Variants in SUMF1 observed in about 807,000 individuals in gnomAD.
SUMF1 encodes the protein formylglycine-generating enzyme.
SUMF1 carries 48 observed loss-of-function variants against 47.6 expected under a neutral mutation model. The ratio of observed to expected loss-of-function variants is 1.01; its 90% confidence interval spans 0.80 to 1.28. The LOEUF is 1.28. Ranked by LOEUF, SUMF1 falls within the 50% of genes most tolerant of loss-of-function variation. The pLI, the probability that SUMF1 is intolerant of heterozygous loss-of-function variation, is 0.00. For synonymous variants in SUMF1, 230 were observed against 192.1 expected (o/e 1.20, Z -1.63); for missense variants, 571 against 485.4 (o/e 1.18, Z -1.66).
At chr3:4,213,276 G>A (rs953732361) in intron 8 of SUMF1, among the ~76,000 whole-genome samples, 1 of 152,138 alleles carries the variant, frequency 6.6e-6, no homozygotes, top group African/African-American at 2.4e-5. Context: ...TTAAAGAAAA[G>A]AATTTTCAAC....
At chr3:4,388,189 G>C (rs1228217371) in intron 7 of SUMF1, among the ~76,000 whole-genome samples, 1 of 151,918 alleles carries the variant, frequency 6.6e-6, no homozygotes, top group South Asian at 2.1e-4. Flanking sequence ...CTAAAATTGT[G>C]GATTAGTCTA....
chr3:4,371,976 A>G (rs1266920737), intron 8 of SUMF1, among the ~76,000 whole-genome samples: 1 of 152,206 alleles, frequency 6.6e-6, no homozygotes, highest in African/African-American at 2.4e-5. Context: ...TACTTTGGAT[A>G]GATTTTCAAA....
intron 8 of SUMF1, among the ~76,000 whole-genome samples, chr3:4,257,793 C>T (rs1372996245): frequency 2.0e-5 from 3 of 152,116 alleles, no homozygotes; most frequent in East Asian, 1.9e-4. Context: ...AAAAAGAGCC[C>T]GTGTGGCCAA....
At chr3:4,250,176 C>T (rs1279144071) in intron 8 of SUMF1, among the ~76,000 whole-genome samples, 3 of 144,526 alleles carry the variant, frequency 2.1e-5, no homozygotes, top group South Asian at 2.2e-4. Flanking sequence ...AGACAAGAAA[C>T]GGAGGGGGAA....
intron 8 of SUMF1, among the ~76,000 whole-genome samples, chr3:4,270,617 A>G (rs1240898105): frequency 6.6e-6 from 1 of 152,206 alleles, no homozygotes; most frequent in African/African-American, 2.4e-5. Flanking sequence ...AATTTATGGG[A>G]AGAAGAAGGT....
chr3:4,414,373 T>C (rs868371372), intron 6 of SUMF1, among the ~76,000 whole-genome samples: 1 of 152,160 alleles, frequency 6.6e-6, no homozygotes, highest in African/African-American at 2.4e-5. Context: ...ACATGAAATA[T>C]CAGGTCAGGG....
At chr3:4,316,046 CAA>C (rs774059331) in intron 8 of SUMF1, among the ~76,000 whole-genome samples, 10,081 of 76,468 alleles carry the variant, frequency 0.13, 240 homozygotes, top group Non-Finnish European at 0.19. Context: ...GACTCTGTCT[CAA>C]AAAAAAAAAA....
intron 1 of SUMF1, among the ~76,000 whole-genome samples, chr3:4,458,928 GA>G (rs2079738787): frequency 6.6e-6 from 1 of 152,164 alleles, no homozygotes; most frequent in Non-Finnish European, 1.5e-5. Flanking sequence ...TATGCTATGT[GA>G]AATGAGCCAA....
chr3:4,223,539 C>G (rs1433432030), intron 8 of SUMF1, among the ~76,000 whole-genome samples: 1 of 151,990 alleles, frequency 6.6e-6, no homozygotes, highest in Non-Finnish European at 1.5e-5. Flanking sequence ...TACTTCCACA[C>G]TGGTTTCGTG....
chr3:4,359,782 G>C (rs959283670), downstream of SUMF1, among the ~76,000 whole-genome samples: 2 of 152,114 alleles, frequency 1.3e-5, no homozygotes, highest in African/African-American at 4.8e-5. Context: ...CACAACACCT[G>C]GGGATTATGG....
At chr3:4,369,237 T>G (rs753200354) in intron 8 of SUMF1, among the ~76,000 whole-genome samples, 2 of 152,168 alleles carry the variant, frequency 1.3e-5, no homozygotes, top group Non-Finnish European at 2.9e-5. Flanking sequence ...TTGTGGTCAG[T>G]GAATAATATA....
chr3:4,131,399 T>C (rs983103235), intron 8 of SUMF1, among the ~76,000 whole-genome samples: 1 of 152,244 alleles, frequency 6.6e-6, no homozygotes, highest in African/African-American at 2.4e-5. Context: ...AAGAGAAGAC[T>C]AGGCCCTGGT....
intron 8 of SUMF1, among the ~76,000 whole-genome samples, chr3:4,175,933 G>T (rs571658220): frequency 1.3e-5 from 2 of 152,114 alleles, no homozygotes; most frequent in Non-Finnish European, 2.9e-5. Flanking sequence ...GGAAGAAAGG[G>T]TATCAGTGAA....
In SUMF1 at chr3:4,097,536, T is replaced by G. The variant is rs540361064; in HGVS notation, c.1015-28791A>C. 2.0e-5 allele frequency among the ~76,000 whole-genome samples: 3 copies of G among 152,000 alleles called. No individual in the cohort carries two copies. In the East Asian group the frequency reaches 5.8e-4, roughly 29 times the overall value. On this transcript the variant is annotated intron_variant and NMD_transcript_variant, in intron 8 of 12. Coordinates refer to the SUMF1 transcript ENST00000448413. Reference sequence around the variant, plus strand: ...CCACTGCACTCCAGCCTGGGTGACATAGTGAGACCCTGTCTCAAAAAAACA... The same window carrying G: ...CCACTGCACTCCAGCCTGGGTGACAGAGTGAGACCCTGTCTCAAAAAAACA...
intron 3 of SUMF1, among the ~76,000 whole-genome samples, chr3:4,426,546 C>T (rs909603086): frequency 1.3e-5 from 2 of 152,164 alleles, no homozygotes; most frequent in African/African-American, 4.8e-5. Flanking sequence ...AAGTGCTATT[C>T]TACTAGGTTT....
intron 1 of SUMF1, among the ~76,000 whole-genome samples, chr3:4,453,840 A>AT (rs563643108): frequency 1.8e-4 from 27 of 148,406 alleles, no homozygotes; most frequent in African/African-American, 4.2e-4. Flanking sequence ...GGCCAAGCTG[A>AT]TTTTTTTTTT....
chr3:4,152,716 T>C (rs1258742983), intron 8 of SUMF1, among the ~76,000 whole-genome samples: 2 of 151,538 alleles, frequency 1.3e-5, no homozygotes, highest in Non-Finnish European at 2.9e-5. Context: ...GCTAGACCAA[T>C]GCTTCATGCA....
chr3:4,093,521 A>C (rs959218592), intron 8 of SUMF1, among the ~76,000 whole-genome samples: 1 of 152,244 alleles, frequency 6.6e-6, no homozygotes, highest in East Asian at 1.9e-4. Context: ...TGAGTATTCT[A>C]AGTCTAAAAG....
chr3:4,091,538 G>C (rs955207466), intron 8 of SUMF1, among the ~76,000 whole-genome samples: 15 of 152,148 alleles, frequency 9.9e-5, no homozygotes, highest in East Asian at 3.9e-4. Context: ...TGAATATTCA[G>C]TTAAACAATT....
Sources: allele counts gnomAD v4.1 joint callset (sites outside exome capture counted in the v4.1 genomes callset), GRCh38; gene constraint gnomAD v4.1.1; transcripts MANE v1.5; gene names NCBI Gene and HGNC (gene_info 2026-07-23, HGNC 2026-07-21).